Variants in DOCK9 observed in about 807,000 individuals in gnomAD.
The protein encoded by DOCK9 is dedicator of cytokinesis 9, also known as dedicator of cytokinesis protein 9.
In DOCK9, 89 loss-of-function variants were observed where a neutral mutation model predicts 263.3. The observed-to-expected ratio is 0.34, with a 90% CI of 0.28 to 0.40. The LOEUF (loss-of-function observed/expected upper bound fraction) is 0.40, where lower values mean the gene tolerates loss of function less well. Among genes scored for constraint, DOCK9 ranks in the 10% least tolerant of loss-of-function variants. The pLI is 1.00. For missense variants in DOCK9, 2,140 were observed against 2,603.4 expected (o/e 0.82, Z 3.87); for synonymous variants, 976 against 973.1 (o/e 1.00, Z -0.06).
chr13:98,977,749 T>C (rs771825142), intron 1 of DOCK9, 35 bp downstream of exon 1: 5 of 1,605,336 alleles, frequency 3.1e-6, no homozygotes, highest in African/African-American at 1.3e-5. Context: ...CAGCATTGGG[T>C]AGACACAGCA....
intron 1 of DOCK9, chr13:99,086,141 G>C (rs1480560780): frequency 2.2e-6 from 3 of 1,387,600 alleles, no homozygotes; most frequent in East Asian, 3.1e-5. Context: ...CAGCCCTGCC[G>C]ACTAAGAGGC....
At chr13:98,837,435 C>A in intron 39 of DOCK9, 59 bp downstream of exon 39, 3 of 1,227,564 alleles carry the variant, frequency 2.4e-6, no homozygotes, top group Non-Finnish European at 3.6e-6. Context: ...ACTGAGCTTA[C>A]CAAGCAGAAT....
At chr13:98,818,929 C>T (rs1334086223) in intron 45 of DOCK9, among the ~76,000 whole-genome samples, 1 of 152,114 alleles carries the variant, frequency 6.6e-6, no homozygotes. Flanking sequence ...ATTGAGATAC[C>T]ATTTGCTCTA....
At chr13:98,944,436 T>C (rs1168632470) in intron 2 of DOCK9, among the ~76,000 whole-genome samples, 2 of 75,418 alleles carry the variant, frequency 2.7e-5, no homozygotes, top group Non-Finnish European at 5.8e-5. Context: ...AAAAAAAAAA[T>C]AAAGAAAATG....
chr13:98,986,229 G>T (rs970288516), intron 1 of DOCK9, among the ~76,000 whole-genome samples: 7 of 152,192 alleles, frequency 4.6e-5, no homozygotes, highest in African/African-American at 9.7e-5. Flanking sequence ...CTTACTTAAA[G>T]CAAGTTCCTT....
chr13:98,901,771 T>C lies in DOCK9; in HGVS notation c.1503+7A>G. 1 of 1,612,452 alleles carries C rather than the reference T, an allele frequency of 6.2e-7. No individual in the cohort carries two copies. The highest frequency in any genetic ancestry group is 8.5e-7 in the Non-Finnish European group (1 of 1,179,242). Reference sequence around the variant, plus strand: ...TTACCACCCCAAAGCGTAAAAGCCATTCATACCTTAGAAGAGTCTGAACTT... The same window carrying C: ...TTACCACCCCAAAGCGTAAAAGCCACTCATACCTTAGAAGAGTCTGAACTT... On this transcript the variant is annotated splice_region_variant and intron_variant, in intron 13 of 52. Transcript: ENST00000682017.
chr13:98,925,027 G>A (rs1010523794), intron 4 of DOCK9, among the ~76,000 whole-genome samples: 2 of 151,980 alleles, frequency 1.3e-5, no homozygotes, highest in Admixed American at 6.6e-5. Flanking sequence ...AGCCGGGCGT[G>A]GTGGCAAGTG....
At chr13:98,993,281 T>G (rs1342072277) in intron 1 of DOCK9, among the ~76,000 whole-genome samples, 6 of 152,236 alleles carry the variant, frequency 3.9e-5, no homozygotes, top group African/African-American at 1.4e-4. Flanking sequence ...GGACCCCGTA[T>G]GAGACTCCAA....
intron 1 of DOCK9, among the ~76,000 whole-genome samples, chr13:99,057,567 G>T (rs1488580971): frequency 6.6e-6 from 1 of 152,072 alleles, no homozygotes; most frequent in Admixed American, 6.5e-5. Flanking sequence ...CCAAATAAAA[G>T]AATAATATTT....
intron 1 of DOCK9, among the ~76,000 whole-genome samples, chr13:98,971,727 G>A (rs2059752599): frequency 1.3e-5 from 2 of 152,032 alleles, no homozygotes; most frequent in African/African-American, 4.8e-5. Flanking sequence ...GGAAAATAGG[G>A]AGGAAAACGG....
chr13:98,810,082 CT>C, intron 46 of DOCK9, 86 bp downstream of exon 46: 1 of 1,570,740 alleles, frequency 6.4e-7, no homozygotes, highest in South Asian at 1.2e-5. Context: ...CCATGGCCTG[CT>C]TCCTCTCTCA....
intron 27 of DOCK9, 96 bp downstream of exon 27, chr13:98,879,802 C>T: frequency 9.8e-7 from 1 of 1,017,404 alleles, no homozygotes; most frequent in South Asian, 1.6e-5. Context: ...AGTCCTGTAA[C>T]TGGCACAGAG....
chr13:98,795,978 C>T (rs879878484), intron 52 of DOCK9, among the ~76,000 whole-genome samples: 4 of 152,004 alleles, frequency 2.6e-5, no homozygotes, highest in Non-Finnish European at 4.4e-5. Context: ...AGGCTGGTCT[C>T]GAACTCCTGA....
Position 98,909,087 on chromosome 13 carries a change from G to A in DOCK9, c.961-4381C>T, listed in dbSNP as rs545378565. Among the ~76,000 whole-genome samples the A allele has an allele frequency of 3.9e-5, 6 of 152,292 alleles. No homozygotes were observed. In the East Asian group the frequency reaches 1.2e-3, roughly 29 times the overall value. On this transcript the variant is annotated intron_variant, in intron 9 of 52. Coordinates refer to ENST00000682017, the MANE Select transcript of DOCK9 (RefSeq NM_001366683.2). ...CCCTGTTGCCACTTTCCTGCCCAAA[G>A]CCCACTGACTACTCTGGGTTTCGTG...
intron 34 of DOCK9, among the ~76,000 whole-genome samples, chr13:98,854,113 G>A (rs572027221): frequency 1.3e-4 from 20 of 152,176 alleles, no homozygotes; most frequent in African/African-American, 4.8e-4. Context: ...ATGGCCAGAG[G>A]TCCTAAACTG....
intron 1 of DOCK9, among the ~76,000 whole-genome samples, chr13:98,975,405 G>A (rs1050255616): frequency 6.7e-6 from 1 of 149,502 alleles, no homozygotes; most frequent in African/African-American, 2.5e-5. Context: ...GACAAAAGAT[G>A]TTACTGACGT....
At chr13:98,837,392 G>C in intron 39 of DOCK9, 102 bp downstream of exon 39, 2 of 735,652 alleles carry the variant, frequency 2.7e-6, no homozygotes, top group Non-Finnish European at 2.3e-6. Context: ...AATAATTGCT[G>C]AAGTAAAAAT....
intron 1 of DOCK9, 125 bp from the exon 2 acceptor site, chr13:98,955,676 C>T (rs2057970974): frequency 1.6e-6 from 1 of 635,438 alleles, no homozygotes; most frequent in South Asian, 2.4e-5. Context: ...GTTTTGGTAT[C>T]ACAAAGAAAC....
chr13:98,943,344 C>A (rs1405614489), intron 2 of DOCK9, among the ~76,000 whole-genome samples: 2 of 152,212 alleles, frequency 1.3e-5, no homozygotes, highest in African/African-American at 4.8e-5. Flanking sequence ...ATGTGGGACA[C>A]ACTCAATATT....
Sources: allele counts gnomAD v4.1 joint callset (sites outside exome capture counted in the v4.1 genomes callset), GRCh38; gene constraint gnomAD v4.1.1; transcripts MANE v1.5; gene names NCBI Gene and HGNC (gene_info 2026-07-23, HGNC 2026-07-21).